Variants in RBMS3 observed in about 807,000 individuals in gnomAD.
RBMS3 encodes RNA-binding motif, single-stranded-interacting protein 3.
In RBMS3, 27 loss-of-function variants were observed where a neutral mutation model predicts 66.8. The ratio of observed to expected loss-of-function variants is 0.40; its 90% CI spans 0.30 to 0.56. The LOEUF (loss-of-function observed/expected upper bound fraction) is 0.56, where lower values mean the gene tolerates loss of function less well. Among genes scored for constraint, RBMS3 ranks in the 20% least tolerant of loss-of-function variants. The pLI, the probability that RBMS3 is intolerant of heterozygous loss-of-function variation, is 0.40. For missense variants in RBMS3, 513 were observed against 549.5 expected (o/e 0.93, Z 0.66); for synonymous variants, 188 against 183.0 (o/e 1.03, Z -0.22).
chr3:29,890,283 G>A (rs1255204324), intron 8 of RBMS3, among the ~76,000 whole-genome samples: 4 of 151,620 alleles, frequency 2.6e-5, no homozygotes, highest in Non-Finnish European at 5.9e-5. Flanking sequence ...ATGCCTTTTA[G>A]AGGTGTGGAA....
chr3:29,305,706 G>A (rs1459375127), intron 1 of RBMS3, among the ~76,000 whole-genome samples: 1 of 151,936 alleles, frequency 6.6e-6, no homozygotes, highest in South Asian at 2.1e-4. Context: ...GAGTTTACCT[G>A]AGCATGAAAT....
chr3:29,586,201 A>G (rs2047515535), intron 3 of RBMS3, among the ~76,000 whole-genome samples: 1 of 151,976 alleles, frequency 6.6e-6, no homozygotes, highest in African/African-American at 2.4e-5. Flanking sequence ...CCTTATACTC[A>G]CTCTTGAGCA....
chr3:29,735,946 T>TA (rs1014773943), intron 4 of RBMS3, among the ~76,000 whole-genome samples: 3 of 152,076 alleles, frequency 2.0e-5, no homozygotes, highest in African/African-American at 7.2e-5. Context: ...AAATTTAAGT[T>TA]AAAAAATTAT....
At chr3:29,593,689 AG>A (rs1194750134) in intron 4 of RBMS3, among the ~76,000 whole-genome samples, 1 of 147,186 alleles carries the variant, frequency 6.8e-6, no homozygotes, top group Non-Finnish European at 1.5e-5. Context: ...CATGGGGACA[AG>A]GGCTGTAGGC....
At chr3:29,399,376 A>C (rs2125661651) in intron 1 of RBMS3, among the ~76,000 whole-genome samples, 1 of 152,320 alleles carries the variant, frequency 6.6e-6, no homozygotes, top group Non-Finnish European at 1.5e-5. Context: ...GGTACAATGT[A>C]ATTGAGCATT....
At chr3:29,695,615 C>A (rs2052235205) in intron 4 of RBMS3, among the ~76,000 whole-genome samples, 1 of 152,034 alleles carries the variant, frequency 6.6e-6, no homozygotes, top group South Asian at 2.1e-4. Context: ...TCAGGCAGCC[C>A]TCATTTAACA....
At chr3:29,647,441 A>G (rs968897091) in intron 4 of RBMS3, among the ~76,000 whole-genome samples, 5 of 152,224 alleles carry the variant, frequency 3.3e-5, no homozygotes, top group Admixed American at 6.5e-5. Context: ...CTACGATTCA[A>G]AGTTTTCCCA....
At chr3:29,369,480 A>G (rs2038077217) in intron 1 of RBMS3, among the ~76,000 whole-genome samples, 1 of 127,796 alleles carries the variant, frequency 7.8e-6, no homozygotes, top group African/African-American at 3.1e-5. Flanking sequence ...TCAGATCATC[A>G]CTCCTTAACA....
At chr3:29,642,220 T>C (rs891735457) in intron 4 of RBMS3, among the ~76,000 whole-genome samples, 2 of 152,054 alleles carry the variant, frequency 1.3e-5, no homozygotes, top group African/African-American at 2.4e-5. Flanking sequence ...CAATTCTAAG[T>C]GGAAATGCTG....
At chr3:29,570,318 T>C (rs1447009003) in intron 3 of RBMS3, among the ~76,000 whole-genome samples, 1 of 152,158 alleles carries the variant, frequency 6.6e-6, no homozygotes, top group Non-Finnish European at 1.5e-5. Flanking sequence ...TTATCCTTTG[T>C]TTTATAAGAC....
chr3:29,940,926 G>A (rs1329403384), intron 11 of RBMS3, among the ~76,000 whole-genome samples: 1 of 151,794 alleles, frequency 6.6e-6, no homozygotes, highest in East Asian at 1.9e-4. Context: ...TCACTTTATT[G>A]TAAGCTTTAG....
At chr3:29,941,046 T>A (rs746723303) in intron 11 of RBMS3, among the ~76,000 whole-genome samples, 70 of 151,926 alleles carry the variant, frequency 4.6e-4, no homozygotes, top group Admixed American at 1.1e-3. Context: ...TGGTCACCAG[T>A]GGCTTACAAT....
At chr3:29,478,582 A>T (rs1372678815) in intron 2 of RBMS3, among the ~76,000 whole-genome samples, 1 of 152,196 alleles carries the variant, frequency 6.6e-6, no homozygotes, top group Non-Finnish European at 1.5e-5. Context: ...AGCACCAAGA[A>T]TGTGCTATAA....
At chr3:29,349,082 CTCTT>C (rs999689044) in intron 1 of RBMS3, among the ~76,000 whole-genome samples, 9 of 152,180 alleles carry the variant, frequency 5.9e-5, no homozygotes, top group African/African-American at 2.2e-4. Context: ...CCAGGTCTCT[CTCTT>C]TCTTGAGATC....
rs1284815474 is a variant in RBMS3 at position 29,884,459 on chromosome 3, TCTCTCTCTCTCC to T, written c.791+253_791+264del. The stretch of plus-strand genomic sequence containing the variant: ...CTCTCTCTCTCTCTCTCTCTCTCTC[TCTCTCTCTCTCC>T]CCCCCCGCTCCCTCCCTCCCTCCCT... On this transcript the variant is annotated intron_variant, in intron 8 of 14. Coordinates refer to ENST00000383767, the MANE Select transcript of RBMS3 (RefSeq NM_001003793.3). Among the ~76,000 whole-genome samples, 147 of 137,364 alleles carry T rather than the reference TCTCTCTCTCTCC, an allele frequency of 1.1e-3. 2 individuals carry two copies. In the South Asian group the frequency reaches 0.011, roughly 10 times the overall value. 90.1% of individuals were successfully genotyped at this position (137,364 alleles called of 152,430 possible). A position where few individuals can be genotyped will look rare whatever the true frequency, so the allele number is the denominator to read the frequency against.
At chr3:29,907,295 T>C (rs1358094769) in intron 10 of RBMS3, among the ~76,000 whole-genome samples, 2 of 152,156 alleles carry the variant, frequency 1.3e-5, no homozygotes, top group Admixed American at 1.3e-4. Flanking sequence ...TCTCAGCTTT[T>C]CCAGGTCATC....
chr3:29,790,030 ATCT>A (rs2056949116), intron 6 of RBMS3, among the ~76,000 whole-genome samples: 1 of 152,306 alleles, frequency 6.6e-6, no homozygotes, highest in South Asian at 2.1e-4. Flanking sequence ...GTGTTATATC[ATCT>A]TATAACTTTC....
intron 4 of RBMS3, among the ~76,000 whole-genome samples, chr3:29,637,878 G>C (rs1042799603): frequency 8.6e-5 from 13 of 151,786 alleles, no homozygotes; most frequent in Admixed American, 7.9e-4. Flanking sequence ...AATTATCCAA[G>C]CATTGAAAGA....
intron 12 of RBMS3, among the ~76,000 whole-genome samples, chr3:29,961,369 C>T (rs1696432625): frequency 6.6e-6 from 1 of 152,134 alleles, no homozygotes; most frequent in South Asian, 2.1e-4. Context: ...TTCAAAGTTT[C>T]CCACATCTTC....
Sources: allele counts gnomAD v4.1 joint callset (sites outside exome capture counted in the v4.1 genomes callset), GRCh38; gene constraint gnomAD v4.1.1; transcripts MANE v1.5; gene names NCBI Gene and HGNC (gene_info 2026-07-23, HGNC 2026-07-21).